The following VAV3 variants were observed in gnomAD, a reference collection of about 807,000 sequenced individuals.
The protein encoded by VAV3 is guanine nucleotide exchange factor VAV3.
A neutral mutation model predicts 131.2 loss-of-function variants in VAV3; 94 were observed. The ratio of observed to expected loss-of-function variants is 0.72; its 90% CI spans 0.61 to 0.85. The LOEUF (loss-of-function observed/expected upper bound fraction) is 0.85, where lower values mean the gene tolerates loss of function less well. Among genes scored for constraint, VAV3 ranks in the 40% least tolerant of loss-of-function variants. The pLI, the probability that VAV3 is intolerant of heterozygous loss-of-function variation, is 0.00. For missense variants in VAV3, 939 were observed against 1,002.7 expected (o/e 0.94, Z 0.86); for synonymous variants, 349 against 342.0 (o/e 1.02, Z -0.22).
At chr1:107,678,506 T>C (rs1475383205) in intron 19 of VAV3, among the ~76,000 whole-genome samples, 1 of 152,164 alleles carries the variant, frequency 6.6e-6, no homozygotes, top group East Asian at 1.9e-4. Flanking sequence ...TAAGTGCATT[T>C]GAAAACACTC....
At chr1:107,752,302 T>C (rs1357325475) in intron 12 of VAV3, among the ~76,000 whole-genome samples, 1 of 152,150 alleles carries the variant, frequency 6.6e-6, no homozygotes, top group Non-Finnish European at 1.5e-5. Context: ...AGAATAAAGG[T>C]AGACCCTTCA....
Position 107,766,446 on chromosome 1 carries a change from C to A in VAV3, c.821+1G>T. On this transcript the variant is annotated splice_donor_variant, in intron 8 of 26. Coordinates refer to ENST00000370056, the MANE Select transcript of VAV3 (RefSeq NM_006113.5). LOFTEE classifies it high-confidence loss of function. ...CACAAAACTTAAACTTCAAAAGTTA[C>A]CTTTCCTTGTAGTTAATAAAAACTT... 6.2e-7 allele frequency: 1 copy of A among 1,600,806 alleles called. No individual in the cohort carries two copies. Among genetic ancestry groups the A allele is most frequent in the Non-Finnish European group, 8.5e-7 (1 of 1,170,018 alleles).
chr1:107,711,770 C>G (rs894300970), intron 15 of VAV3, among the ~76,000 whole-genome samples: 8 of 152,082 alleles, frequency 5.3e-5, no homozygotes, highest in Non-Finnish European at 1.2e-4. Context: ...GTGGTGCAAC[C>G]TCTGCCTCCC....
At chr1:107,897,515 T>C (rs1038020920) in intron 1 of VAV3, among the ~76,000 whole-genome samples, 23 of 151,510 alleles carry the variant, frequency 1.5e-4, no homozygotes, top group Admixed American at 1.4e-3. Context: ...AAGGAGGAAG[T>C]GAGGCAGGAA....
At chr1:107,896,535 G>A (rs914209898) in intron 1 of VAV3, among the ~76,000 whole-genome samples, 1 of 152,056 alleles carries the variant, frequency 6.6e-6, no homozygotes, top group Non-Finnish European at 1.5e-5. Context: ...TCACAAATTT[G>A]CTCTCCTGCA....
chr1:107,758,991 G>T (rs982870849), intron 10 of VAV3, among the ~76,000 whole-genome samples: 2 of 152,032 alleles, frequency 1.3e-5, no homozygotes, highest in African/African-American at 2.4e-5. Flanking sequence ...CTCCTCTGGG[G>T]AGTCTTCTAT....
chr1:107,949,232 A>C (rs1674417975), intron 1 of VAV3, among the ~76,000 whole-genome samples: 2 of 152,186 alleles, frequency 1.3e-5, no homozygotes, highest in Admixed American at 1.3e-4. Flanking sequence ...TTTATGTCAC[A>C]TTCTGGTTTT....
In VAV3 at chr1:107,877,370, C is replaced by G. The variant is rs1322161851; in HGVS notation, c.205-2353G>C. On this transcript the variant is annotated intron_variant, in intron 1 of 26. Coordinates refer to ENST00000370056, the MANE Select transcript of VAV3 (RefSeq NM_006113.5). ...GCCTGACTCATAGCTCACCAAGGAA[C>G]AAAGCATAATTGCACACACCACGCT... Among the ~76,000 whole-genome samples the G allele has an allele frequency of 1.3e-5, 2 of 152,164 alleles. 1 individual carries two copies. The highest frequency in any genetic ancestry group is 4.1e-4 in the South Asian group (2 of 4,832).
Position 107,964,791 on chromosome 1 carries a change from AG to A in VAV3, c.78del (p.Ser27ArgfsTer31). The A allele has an allele frequency of 6.2e-7, 1 of 1,613,994 alleles. No homozygotes were observed. Among genetic ancestry groups the A allele is most frequent in the Non-Finnish European group, 8.5e-7 (1 of 1,179,974 alleles). On this transcript the variant is annotated frameshift_variant, in exon 1 of 27. Transcript: ENST00000370056. LOFTEE classifies it high-confidence loss of function. ...VLPTNHRVTWDSAQVFDLAQT... is the reference protein window; with the variant it reads ...VLPTNHRVTWXSAQVFDLAQT... ...TGCGCAAGGTCGAACACCTGAGCCG[AG>A]TCCCAGGTCACCCGGTGGTTGGTGG...
chr1:107,872,111 A>G (rs528282436), intron 2 of VAV3, among the ~76,000 whole-genome samples: 1 of 152,292 alleles, frequency 6.6e-6, no homozygotes, highest in African/African-American at 2.4e-5. Context: ...ACAGTGGACA[A>G]GAAAAACAGG....
At chr1:107,858,811 G>A (rs1362848408) in intron 2 of VAV3, among the ~76,000 whole-genome samples, 1 of 152,052 alleles carries the variant, frequency 6.6e-6, no homozygotes, top group East Asian at 1.9e-4. Context: ...CAAATATTTG[G>A]GTAAATGCTC....
At chr1:107,619,204 G>A (rs1653390856) in intron 20 of VAV3, among the ~76,000 whole-genome samples, 1 of 152,208 alleles carries the variant, frequency 6.6e-6, no homozygotes, top group Non-Finnish European at 1.5e-5. Context: ...AGATGACTTA[G>A]AGAGGAATCT....
intron 2 of VAV3, among the ~76,000 whole-genome samples, chr1:107,821,368 T>C (rs1667784525): frequency 6.6e-6 from 1 of 152,306 alleles, no homozygotes; most frequent in East Asian, 1.9e-4. Context: ...AAAACAATTA[T>C]AGACAATAGT....
At chr1:107,893,273 G>T (rs1222463399) in intron 1 of VAV3, among the ~76,000 whole-genome samples, 1 of 151,884 alleles carries the variant, frequency 6.6e-6, no homozygotes, top group Non-Finnish European at 1.5e-5. Context: ...TTAAACATTT[G>T]CTCCTTTTTA....
chr1:107,786,429 A>AGAT (rs1163203335), intron 2 of VAV3, among the ~76,000 whole-genome samples: 1 of 152,228 alleles, frequency 6.6e-6, no homozygotes, highest in Non-Finnish European at 1.5e-5. Flanking sequence ...ACGGGAGTCA[A>AGAT]GATGATCAAG....
At chr1:107,956,817 A>T (rs1031264947) in intron 1 of VAV3, among the ~76,000 whole-genome samples, 1 of 152,110 alleles carries the variant, frequency 6.6e-6, no homozygotes, top group Admixed American at 6.6e-5. Flanking sequence ...TCAGCAGCTC[A>T]GTTGTAAGCA....
At position 107,909,625 on chromosome 1, in the gene VAV3, T is replaced by A. The variant is rs147267627; in HGVS notation, c.205-34608A>T. 2.2e-3 allele frequency among the ~76,000 whole-genome samples: 334 copies of A among 152,262 alleles called. 1 individual carries two copies. The highest frequency in any genetic ancestry group is 7.6e-3 in the African/African-American group (315 of 41,560). Reference sequence around the variant, plus strand: ...TAAAATGGGAAATTTCCGAAAAACTTATGGTGTAATCTTATTTTTCTTGCT... The same window carrying A: ...TAAAATGGGAAATTTCCGAAAAACTAATGGTGTAATCTTATTTTTCTTGCT... On this transcript the variant is annotated intron_variant, in intron 1 of 26. Coordinates refer to ENST00000370056, the MANE Select transcript of VAV3 (RefSeq NM_006113.5).
chr1:107,583,914 T>C (rs1306543160), intron 25 of VAV3, among the ~76,000 whole-genome samples: 4 of 152,148 alleles, frequency 2.6e-5, no homozygotes, highest in South Asian at 2.1e-4. Context: ...TACTTTAAAG[T>C]TCATATGGAA....
chr1:107,597,470 C>A (rs1186801034), intron 24 of VAV3, among the ~76,000 whole-genome samples: 1 of 152,158 alleles, frequency 6.6e-6, no homozygotes, highest in Non-Finnish European at 1.5e-5. Flanking sequence ...AGATAAGCCT[C>A]CTGCCATTGA....
Sources: allele counts gnomAD v4.1 joint callset (sites outside exome capture counted in the v4.1 genomes callset), GRCh38; gene constraint gnomAD v4.1.1; transcripts MANE v1.5; gene names NCBI Gene and HGNC (gene_info 2026-07-23, HGNC 2026-07-21).